DOK6: variants seen among roughly 807,000 people sequenced by gnomAD.
The protein encoded by DOK6 is docking protein 6.
DOK6 carries 22 observed loss-of-function variants against 44.0 expected under a neutral mutation model. The ratio of observed to expected loss-of-function variants is 0.50; its 90% CI spans 0.36 to 0.71. The LOEUF (loss-of-function observed/expected upper bound fraction) is 0.71, where lower values mean the gene tolerates loss of function less well. Among genes scored for constraint, DOK6 ranks in the 30% least tolerant of loss-of-function variants. DOK6 has a pLI of 0.00. For missense variants in DOK6, 340 were observed against 416.4 expected, an observed-to-expected ratio of 0.82 and a Z score of 1.60; for synonymous variants, 166 against 145.5, an observed-to-expected ratio of 1.14 and a Z score of -1.01.
At chr18:69,617,506 GAAAGAAAGAAAA>G (rs1984320960) in intron 3 of DOK6, among the ~76,000 whole-genome samples, 4 of 20,814 alleles carry the variant, frequency 1.9e-4, no homozygotes, top group African/African-American at 4.6e-4. Flanking sequence ...GAAAGAAAGA[GAAAGAAAGAAAA>G]GAAAGAAAGG....
intron 1 of DOK6, among the ~76,000 whole-genome samples, chr18:69,501,976 G>C (rs570702225): frequency 6.6e-6 from 1 of 152,180 alleles, no homozygotes; most frequent in Admixed American, 6.5e-5. Flanking sequence ...TGTAACAGTG[G>C]AATAATATTT....
intron 5 of DOK6, among the ~76,000 whole-genome samples, chr18:69,702,308 T>TG (rs1261190300): frequency 2.0e-5 from 3 of 152,146 alleles, no homozygotes; most frequent in African/African-American, 7.2e-5. Flanking sequence ...TACCAGAAGG[T>TG]GTACACAGTA....
intron 5 of DOK6, among the ~76,000 whole-genome samples, chr18:69,729,178 CAT>C (rs1307590683): frequency 2.0e-5 from 3 of 152,126 alleles, no homozygotes; most frequent in Admixed American, 6.6e-5. Flanking sequence ...TGTACACATT[CAT>C]ATATATACAG....
rs1012790524 is a variant in DOK6, at chr18:69,809,234, T to C, written c.857-32010T>C. Reference sequence around the variant, plus strand: ...ATCATCTCAGAATGCAGAAAAAGCATTGGACAAAATTCAACGTCCTTTCAT... The same window carrying C: ...ATCATCTCAGAATGCAGAAAAAGCACTGGACAAAATTCAACGTCCTTTCAT... On this transcript the variant is annotated intron_variant, in intron 7 of 7. Coordinates refer to ENST00000382713, the MANE Select transcript of DOK6 (RefSeq NM_152721.6). Among the ~76,000 whole-genome samples the C allele has an allele frequency of 7.9e-5, 12 of 151,870 alleles. 1 individual carries two copies. The highest frequency in any genetic ancestry group is 2.9e-4 in the African/African-American group (12 of 41,500).
intron 1 of DOK6, among the ~76,000 whole-genome samples, chr18:69,416,183 AAGGAAGGAACG>A (rs766219011): frequency 1.5e-4 from 21 of 140,498 alleles, no homozygotes; most frequent in Non-Finnish European, 3.0e-4. Context: ...GGAAGGAACG[AAGGAAGGAACG>A]AAGGAAGGAA....
intron 1 of DOK6, among the ~76,000 whole-genome samples, chr18:69,449,760 C>A (rs1300903123): frequency 1.3e-5 from 2 of 151,706 alleles, no homozygotes; most frequent in African/African-American, 4.8e-5. Context: ...CCCCTGACCC[C>A]CGAGCAGCCT....
intron 1 of DOK6, among the ~76,000 whole-genome samples, chr18:69,445,583 A>G (rs1979262346): frequency 6.6e-6 from 1 of 151,896 alleles, no homozygotes; most frequent in Non-Finnish European, 1.5e-5. Context: ...CCTTCAGTCT[A>G]TTGTGGCATA....
At chr18:69,718,807 C>T (rs1986940684) in intron 5 of DOK6, among the ~76,000 whole-genome samples, 1 of 151,680 alleles carries the variant, frequency 6.6e-6, no homozygotes, top group African/African-American at 2.4e-5. Context: ...TTAATGGAAC[C>T]CACAAAACCA....
intron 2 of DOK6, among the ~76,000 whole-genome samples, chr18:69,584,544 G>A (rs1440160167): frequency 6.6e-6 from 1 of 152,076 alleles, no homozygotes; most frequent in Non-Finnish European, 1.5e-5. Flanking sequence ...CGCTCACTTC[G>A]GCCTCCCAAA....
chr18:69,783,235 G>A (rs965933725), intron 7 of DOK6, among the ~76,000 whole-genome samples: 1 of 152,180 alleles, frequency 6.6e-6, no homozygotes, highest in African/African-American at 2.4e-5. Flanking sequence ...TGTGCATCCA[G>A]TACAATAACC....
At chr18:69,568,032 C>G (rs1439747785) in intron 2 of DOK6, among the ~76,000 whole-genome samples, 1 of 152,206 alleles carries the variant, frequency 6.6e-6, no homozygotes, top group South Asian at 2.1e-4. Flanking sequence ...TTCTGGCTCC[C>G]CGCGGCCTGC....
At chr18:69,617,553 C>A (rs1984324958) in intron 3 of DOK6, among the ~76,000 whole-genome samples, 2 of 111,156 alleles carry the variant, frequency 1.8e-5, no homozygotes, top group South Asian at 3.1e-4. Context: ...AAGGAAAAGA[C>A]TGAGTGATAG....
At chr18:69,459,108 CCA>C (rs1491242206) in intron 1 of DOK6, among the ~76,000 whole-genome samples, 5 of 120,660 alleles carry the variant, frequency 4.1e-5, no homozygotes, top group South Asian at 2.7e-4. Context: ...AACCCCCCCC[CCA>C]AAAAAAAGGA....
chr18:69,473,815 G>A (rs1980184072), intron 1 of DOK6, among the ~76,000 whole-genome samples: 1 of 152,168 alleles, frequency 6.6e-6, no homozygotes, highest in Non-Finnish European at 1.5e-5. Context: ...TCCACTGGAG[G>A]GAAACTGTCT....
At chr18:69,744,207 G>C (rs1353713758) in intron 6 of DOK6, among the ~76,000 whole-genome samples, 1 of 152,010 alleles carries the variant, frequency 6.6e-6, no homozygotes, top group Non-Finnish European at 1.5e-5. Flanking sequence ...CTACTCAGGA[G>C]GCTGAGGTAG....
At chr18:69,752,257 TA>T (rs530787431) in intron 6 of DOK6, among the ~76,000 whole-genome samples, 1 of 152,166 alleles carries the variant, frequency 6.6e-6, no homozygotes, top group African/African-American at 2.4e-5. Context: ...TGTATTTTTT[TA>T]AAAAATCCTA....
In DOK6 at chr18:69,809,604, G is replaced by GA. The variant is rs199902396; in HGVS notation, c.857-31632dup. 9.4e-3 allele frequency among the ~76,000 whole-genome samples: 1,220 copies of GA among 130,466 alleles called. 16 individuals are homozygous for GA. Among genetic ancestry groups the GA allele is most frequent in the African/African-American group, 0.035 (1,122 of 32,518 alleles). The allele number at this position is 130,466 out of a possible 152,430, so 85.6% of individuals were successfully genotyped here. ...CACACACACACACACACAAAAGAAA[G>GA]AAAAAAAACAGACAAAACTGTTAAA... On this transcript the variant is annotated intron_variant, in intron 7 of 7. Coordinates refer to ENST00000382713, the MANE Select transcript of DOK6 (RefSeq NM_152721.6).
At chr18:69,469,648 G>T in intron 1 of DOK6, 1 of 225,466 alleles carries the variant, frequency 4.4e-6, no homozygotes, top group South Asian at 4.9e-5. Flanking sequence ...CCTGCCGGCT[G>T]CCTCACCAGA....
intron 1 of DOK6, among the ~76,000 whole-genome samples, chr18:69,504,739 A>C (rs1339167779): frequency 6.6e-6 from 1 of 152,178 alleles, no homozygotes; most frequent in Non-Finnish European, 1.5e-5. Flanking sequence ...ACATGCTATC[A>C]AAAAAACACA....
Sources: gnomAD v4.1 joint callset for allele counts (sites outside exome capture counted in the v4.1 genomes callset) on GRCh38, gnomAD v4.1.1 for gene constraint, MANE v1.5 for transcripts, NCBI Gene and HGNC (gene_info 2026-07-23, HGNC 2026-07-21) for gene names.